FREM2: variants seen among roughly 807,000 people sequenced by gnomAD.
FREM2 encodes FRAS1-related extracellular matrix protein 2.
In FREM2, 119 loss-of-function variants were observed where a neutral mutation model predicts 219.9. The observed-to-expected ratio is 0.54, with a 90% CI of 0.47 to 0.63. The LOEUF (loss-of-function observed/expected upper bound fraction) is 0.63, where lower values mean the gene tolerates loss of function less well. Ranked by LOEUF, FREM2 falls within the 30% of genes least tolerant of loss-of-function variation. FREM2 has a pLI of 0.00. For missense variants in FREM2, 4,030 were observed against 3,993.6 expected (o/e 1.01, Z -0.25); for synonymous variants, 1,562 against 1,522.8 (o/e 1.03, Z -0.60).
intron 6 of FREM2, among the ~76,000 whole-genome samples, chr13:38,794,297 G>A (rs754976051): frequency 6.6e-6 from 1 of 152,142 alleles, no homozygotes; most frequent in African/African-American, 2.4e-5. Flanking sequence ...GACCATCCCA[G>A]CAAAGAAGGT....
intron 3 of FREM2, among the ~76,000 whole-genome samples, chr13:38,767,785 A>G (rs1001022788): frequency 3.9e-5 from 6 of 152,206 alleles, no homozygotes; most frequent in African/African-American, 1.2e-4. Context: ...CAGCCCTGCA[A>G]TTCCTGGTTC....
chr13:38,842,604 C>G (rs368392926), intron 6 of FREM2, among the ~76,000 whole-genome samples: 2 of 152,304 alleles, frequency 1.3e-5, no homozygotes, highest in African/African-American at 4.8e-5. Context: ...CAGTTCTAAG[C>G]AAACACATTG....
chr13:38,861,312 C>A, intron 14 of FREM2, 119 bp from the exon 15 acceptor site: 1 of 973,234 alleles, frequency 1.0e-6, no homozygotes, highest in South Asian at 1.4e-5. Context: ...TAGCCATGCC[C>A]TACTCCACAG....
At chr13:38,817,382 T>C (rs4335664) in intron 6 of FREM2, among the ~76,000 whole-genome samples, 60,500 of 151,860 alleles carry the variant, frequency 0.4, 13,855 homozygotes, top group Non-Finnish European at 0.51. Flanking sequence ...ACCAATGGAA[T>C]AGAATATAGA....
Position 38,883,383 on chromosome 13 carries a change from A to T in FREM2, c.*2596A>T, listed in dbSNP as rs1878615598. The T allele has an allele frequency of 6.6e-6, 1 of 152,174 alleles. No individual in the cohort carries two copies. Among genetic ancestry groups the T allele is most frequent in the South Asian group, 2.1e-4 (1 of 4,826 alleles). The allele number at this position is 152,174 out of a possible 1,614,324, so 9.4% of individuals were successfully genotyped here. The stretch of plus-strand genomic sequence containing the variant: ...GAACTATTCTGGTACTATCAGAACA[A>T]ATACATAAAATAACTTCCCATAGAG... On this transcript the variant is annotated 3_prime_UTR_variant, in exon 24 of 24. Coordinates refer to ENST00000280481, the MANE Select transcript of FREM2 (RefSeq NM_207361.6).
chr13:38,728,795 A>G (rs944558164), intron 2 of FREM2, among the ~76,000 whole-genome samples: 5 of 152,114 alleles, frequency 3.3e-5, no homozygotes, highest in Non-Finnish European at 7.4e-5. Context: ...ATAGTCAAAT[A>G]TGTTGGGAAA....
chr13:38,737,816 G>T (rs1235135969), intron 2 of FREM2, among the ~76,000 whole-genome samples: 1 of 152,170 alleles, frequency 6.6e-6, no homozygotes, highest in African/African-American at 2.4e-5. Context: ...GTTGTTCTAA[G>T]GTTTTAGACT....
intron 4 of FREM2, chr13:38,779,568 C>G (rs1046334333): frequency 6.6e-6 from 1 of 152,050 alleles, no homozygotes; most frequent in African/African-American, 2.4e-5. Context: ...TGCTGATACA[C>G]AAGTAAAAAA....
Position 38,692,334 on chromosome 13 carries a change from G to A in FREM2, c.4990G>A (p.Ala1664Thr), listed in dbSNP as rs546732114. The A allele has an allele frequency of 2.3e-4, 363 of 1,604,146 alleles. 2 individuals are homozygous for A. The South Asian group carries it at 3.8e-3, about 17-fold the overall frequency. The part of the protein sequence containing the change: ...SVPQIAVNKG[A>T]STLRTLATGH... ...CCCCCAAATCGCAGTGAATAAGGGG[G>A]CCTCTACACTTCGCACTCTAGCCAC... The change falls in exon 1 of 24, where the codon GCC becomes ACC. Residue 1664 changes from alanine to threonine, a missense_variant. Physicochemically the swap from Ala to Thr is moderately conservative, Grantham distance 58. Around this residue, in one of 2 missense-constraint regions of FREM2, gnomAD observed 3,102 missense variants for 2,950.7 expected, o/e 1.05. Coordinates refer to ENST00000280481, the MANE Select transcript of FREM2 (RefSeq NM_207361.6).
chr13:38,761,633 G>A (rs1258025120), intron 2 of FREM2, among the ~76,000 whole-genome samples: 2 of 152,104 alleles, frequency 1.3e-5, no homozygotes, highest in African/African-American at 4.8e-5. Flanking sequence ...ACCCACTAAA[G>A]TGCACAACTA....
chr13:38,743,824 C>T (rs960563723), intron 2 of FREM2, among the ~76,000 whole-genome samples: 7 of 152,146 alleles, frequency 4.6e-5, no homozygotes, highest in Non-Finnish European at 1.0e-4. Flanking sequence ...GTATCTACGT[C>T]CCTAGCGTCA....
At chr13:38,711,939 G>C (rs1300772887) in intron 2 of FREM2, among the ~76,000 whole-genome samples, 1 of 45,892 alleles carries the variant, frequency 2.2e-5, no homozygotes, top group East Asian at 6.3e-4. Context: ...TTTTTTTTTT[G>C]AGGGGATTCT....
chr13:38,692,317 T>G lies in FREM2; in HGVS notation c.4973T>G (p.Ile1658Ser). 6.2e-7 allele frequency: 1 copy of G among 1,608,486 alleles called. No individual in the cohort carries two copies. The change falls in exon 1 of 24, where the codon ATC (isoleucine) becomes AGC (serine). Residue 1658 changes from isoleucine (I) to serine (S), a missense_variant. Physicochemically the swap from Ile to Ser is moderately radical, Grantham distance 142. This residue lies in a region of FREM2 where 3,102 missense variants were observed against 2,950.7 expected (regional missense o/e 1.05). Transcript: ENST00000280481. The part of the protein sequence containing the change: ...VLAVDNSVPQ[I>S]AVNKGASTLR... ...GCTGTTGACAACAGTGTCCCCCAAA[T>G]CGCAGTGAATAAGGGGGCCTCTACA...
chr13:38,687,781 C>T lies in FREM2; in HGVS notation c.437C>T (p.Pro146Leu), dbSNP rs564740435. The T allele has an allele frequency of 2.0e-5, 30 of 1,536,220 alleles. No individual in the cohort carries two copies. The highest frequency in any genetic ancestry group is 5.8e-5 in the Admixed American group (3 of 52,060). Residue 146 changes from proline to leucine, a missense_variant, in exon 1 of 24, where the codon CCG becomes CTG. Pro to Leu is a moderately conservative substitution (Grantham distance 98). Coordinates refer to ENST00000280481, the MANE Select transcript of FREM2 (RefSeq NM_207361.6). ...TACTCTCACCTGGGCGCGCGCAGCC[C>T]GTCTCGGGACCGCGTCCGGCTGCAG... is the stretch of plus-strand genomic sequence containing the variant. Reference protein sequence around the residue: ...VRYSHLGARSPSRDRVRLQLR... With the variant: ...VRYSHLGARSLSRDRVRLQLR...
At chr13:38,839,578 A>G (rs1876859294) in intron 6 of FREM2, among the ~76,000 whole-genome samples, 1 of 152,124 alleles carries the variant, frequency 6.6e-6, no homozygotes, top group Admixed American at 6.5e-5. Flanking sequence ...CCCTTCCCCA[A>G]GGTGCTCTGT....
chr13:38,851,750 G>C lies in FREM2; in HGVS notation c.6807G>C (p.Ser2269=). 6.2e-7 allele frequency: 1 copy of C among 1,613,462 alleles called. No homozygotes were observed. Among genetic ancestry groups the C allele is most frequent in the Non-Finnish European group, 8.5e-7 (1 of 1,179,446 alleles). Residue 2269 remains serine (S), a synonymous_variant, in exon 11 of 24, where the codon TCG becomes TCC. Coordinates refer to ENST00000280481, the MANE Select transcript of FREM2 (RefSeq NM_207361.6). ...CTGAACCCAAAGAACCTGGAGAGTC[G>C]GTGGTTATAAGAATTCCAGTGATTC... The part of the protein sequence containing the change: ...SVTEPKEPGE[S]VVIRIPVIRQ...
At chr13:38,840,539 C>T (rs1017433623) in intron 6 of FREM2, among the ~76,000 whole-genome samples, 2 of 149,556 alleles carry the variant, frequency 1.3e-5, no homozygotes, top group Non-Finnish European at 1.5e-5. Flanking sequence ...ATCACTGCTG[C>T]TGATGAAGCC....
chr13:38,718,805 G>A (rs2138104749), intron 2 of FREM2, among the ~76,000 whole-genome samples: 1 of 152,280 alleles, frequency 6.6e-6, no homozygotes, highest in East Asian at 1.9e-4. Flanking sequence ...CAAACAGAGG[G>A]CAGAGATAGG....
At position 38,688,704 on chromosome 13, in the gene FREM2, T is replaced by C; in HGVS notation, c.1360T>C (p.Ser454Pro). Residue 454 changes from serine (S) to proline (P), a missense_variant, in exon 1 of 24, where the codon TCT (serine) becomes CCT (proline). Ser to Pro is a moderately conservative substitution (Grantham distance 74). Coordinates refer to ENST00000280481, the MANE Select transcript of FREM2 (RefSeq NM_207361.6). The stretch of plus-strand genomic sequence containing the variant: ...CGGTCTTATTCTCTATGAGGGTCAG[T>C]CTCGGCCCCTCACAGGCCCTGCAGG... ...NTGLILYEGQ[S>P]RPLTGPAGSG... 6.2e-7 allele frequency: 1 copy of C among 1,613,990 alleles called. No homozygotes were observed. Among genetic ancestry groups the C allele is most frequent in the Non-Finnish European group, 8.5e-7 (1 of 1,179,918 alleles).
Sources: gnomAD v4.1 joint callset for allele counts (sites outside exome capture counted in the v4.1 genomes callset) on GRCh38, gnomAD v4.1.1 for gene constraint, gnomAD v4.1.1 regional missense constraint, MANE v1.5 for transcripts, NCBI Gene and HGNC (gene_info 2026-07-23, HGNC 2026-07-21) for gene names.